Variants in DCDC1 observed in about 807,000 individuals in gnomAD.
The protein encoded by DCDC1 is doublecortin domain containing 1.
In DCDC1, 200 loss-of-function variants were observed where a neutral mutation model predicts 178.3. That is an observed-to-expected ratio of 1.12 (90% CI 1.00 to 1.26). The LOEUF (loss-of-function observed/expected upper bound fraction) is 1.26, where lower values mean the gene tolerates loss of function less well. Among genes scored for constraint, DCDC1 ranks in the 50% most tolerant of loss-of-function variants. The pLI, the probability that DCDC1 is intolerant of heterozygous loss-of-function variation, is 0.00. For synonymous variants in DCDC1, 690 were observed against 604.8 expected (o/e 1.14, Z -2.07); for missense variants, 1,983 against 1,749.2 (o/e 1.13, Z -2.38).
intron 23 of DCDC1, among the ~76,000 whole-genome samples, chr11:30,922,896 C>T (rs1033826909): frequency 6.6e-6 from 1 of 151,606 alleles, no homozygotes; most frequent in African/African-American, 2.4e-5. Flanking sequence ...TTTGCAACAT[C>T]CTGTGAATCT....
chr11:31,134,986 A>G (rs1197544709), intron 10 of DCDC1, among the ~76,000 whole-genome samples: 2 of 152,186 alleles, frequency 1.3e-5, no homozygotes, highest in African/African-American at 4.8e-5. Context: ...ACAGAGAGAG[A>G]GCCTATCTCT....
At chr11:30,942,373 A>G (rs1012504426) in intron 21 of DCDC1, among the ~76,000 whole-genome samples, 2 of 152,194 alleles carry the variant, frequency 1.3e-5, no homozygotes, top group African/African-American at 2.4e-5. Context: ...TACTAGTTTC[A>G]GTCATAAAAG....
intron 22 of DCDC1, among the ~76,000 whole-genome samples, chr11:30,926,134 C>G (rs163882): frequency 0.73 from 111,292 of 152,044 alleles, 41,824 homozygotes; most frequent in African/African-American, 0.89. Flanking sequence ...TAGGCACCTG[C>G]CCAGCGTGCT....
intron 1 of DCDC1, among the ~76,000 whole-genome samples, chr11:31,341,876 T>G (rs1452687783): frequency 1.3e-5 from 2 of 151,252 alleles, no homozygotes; most frequent in Non-Finnish European, 2.9e-5. Flanking sequence ...TGTAGAACCC[T>G]GACTAATATA....
rs1264291780 is a variant in DCDC1 at position 31,000,068 on chromosome 11, G to A, written c.2592-47500C>T. On this transcript the variant is annotated intron_variant, in intron 20 of 38. Coordinates refer to ENST00000684477, the MANE Select transcript of DCDC1 (RefSeq NM_001387274.1). ...GGAGCAGTCGGGTCCATTGTCAGTT[G>A]CAAGGGAAACACCAAGGGATTACTG... Among the ~76,000 whole-genome samples the A allele has an allele frequency of 3.3e-5, 5 of 152,144 alleles. No individual in the cohort carries two copies. In the South Asian group the frequency reaches 8.3e-4, roughly 25 times the overall value.
At chr11:31,014,702 A>G (rs1428177386) in intron 20 of DCDC1, among the ~76,000 whole-genome samples, 2 of 152,158 alleles carry the variant, frequency 1.3e-5, no homozygotes, top group Admixed American at 6.5e-5. Context: ...ACCAATCACT[A>G]CCCTAATTAT....
chr11:31,130,898 T>A (rs1962348124), intron 10 of DCDC1, among the ~76,000 whole-genome samples: 1 of 95,706 alleles, frequency 1.0e-5, no homozygotes, highest in African/African-American at 3.4e-5. Flanking sequence ...GAAAACAAAA[T>A]TAGGCCGGGC....
intron 2 of DCDC1, among the ~76,000 whole-genome samples, chr11:31,331,845 T>TG (rs949235964): frequency 2.6e-4 from 40 of 152,020 alleles, no homozygotes; most frequent in African/African-American, 8.0e-4. Context: ...TTCTCTTTTT[T>TG]TTGTTGTGTC....
rs77127945 is a variant in DCDC1 at position 31,005,890 on chromosome 11, C to T, written c.2592-53322G>A. On this transcript the variant is annotated intron_variant, in intron 20 of 38. Transcript: ENST00000684477. ...GACTTTGACCCATGGAAGCTTCCTC[C>T]TTGACCAATATCTCCGACCCTTTCC... is the stretch of plus-strand genomic sequence containing the variant. Among the ~76,000 whole-genome samples the T allele has an allele frequency of 1.8e-3, 259 of 147,814 alleles. 1 individual carries two copies. Among genetic ancestry groups the T allele is most frequent in the African/African-American group, 6.3e-3 (252 of 39,788 alleles).
chr11:31,335,042 G>C (rs1327649178), intron 2 of DCDC1, among the ~76,000 whole-genome samples: 1 of 152,192 alleles, frequency 6.6e-6, no homozygotes, highest in Admixed American at 6.5e-5. Flanking sequence ...TTGCAGAGCT[G>C]CGGAGGGCTC....
chr11:31,323,916 A>G (rs2137810159), intron 3 of DCDC1, among the ~76,000 whole-genome samples: 1 of 152,226 alleles, frequency 6.6e-6, no homozygotes, highest in South Asian at 2.1e-4. Context: ...ACTTTCTCCA[A>G]TTGCTAGATT....
intron 36 of DCDC1, among the ~76,000 whole-genome samples, chr11:30,891,113 T>C (rs1026418718): frequency 6.6e-6 from 1 of 152,164 alleles, no homozygotes; most frequent in African/African-American, 2.4e-5. Context: ...TTGGATATAG[T>C]TTTTTAAAAC....
intron 30 of DCDC1, 190 bp downstream of exon 30, chr11:30,906,350 A>G (rs900447645): frequency 1.7e-6 from 1 of 593,050 alleles, no homozygotes. Flanking sequence ...CTATTGAACT[A>G]TTAATAGACA....
intron 11 of DCDC1, among the ~76,000 whole-genome samples, chr11:31,111,132 G>C (rs1242393816): frequency 6.6e-6 from 1 of 152,020 alleles, no homozygotes; most frequent in Admixed American, 6.6e-5. Context: ...AAGCAGCTGA[G>C]AGAGGGGCCT....
chr11:31,051,648 A>G (rs1035216076), intron 20 of DCDC1, among the ~76,000 whole-genome samples: 8 of 152,342 alleles, frequency 5.3e-5, no homozygotes, highest in Non-Finnish European at 1.2e-4. Context: ...CCTACAAACT[A>G]GAAGGGATTG....
chr11:30,923,766 G>GCCA (rs1946418232), intron 23 of DCDC1, among the ~76,000 whole-genome samples: 1 of 151,846 alleles, frequency 6.6e-6, no homozygotes, highest in African/African-American at 2.4e-5. Context: ...ACAGGCACCT[G>GCCA]CCACCATGCC....
At chr11:31,080,805 T>C (rs1451077263) in intron 17 of DCDC1, among the ~76,000 whole-genome samples, 3 of 152,218 alleles carry the variant, frequency 2.0e-5, no homozygotes, top group African/African-American at 7.2e-5. Flanking sequence ...TTACAAGCAA[T>C]CTCTCCTGTT....
At chr11:31,067,292 A>C (rs1287372066) in intron 18 of DCDC1, among the ~76,000 whole-genome samples, 1 of 151,724 alleles carries the variant, frequency 6.6e-6, no homozygotes, top group Non-Finnish European at 1.5e-5. Context: ...AGGATCTAGT[A>C]GACATTTCTC....
At chr11:31,365,429 G>T (rs1305355345) in intron 1 of DCDC1, among the ~76,000 whole-genome samples, 1 of 152,050 alleles carries the variant, frequency 6.6e-6, no homozygotes, top group Non-Finnish European at 1.5e-5. Context: ...TCAAGGAAAT[G>T]AAGGAATAGT....
Sources: allele counts gnomAD v4.1 joint callset (sites outside exome capture counted in the v4.1 genomes callset), GRCh38; gene constraint gnomAD v4.1.1; transcripts MANE v1.5; gene names NCBI Gene and HGNC (gene_info 2026-07-23, HGNC 2026-07-21).